Variants in HERC2 observed in about 807,000 individuals in gnomAD.
HERC2 encodes E3 ubiquitin-protein ligase HERC2.
A neutral mutation model predicts 537.7 loss-of-function variants in HERC2; 102 were observed. The ratio of observed to expected loss-of-function variants is 0.19; its 90% CI spans 0.16 to 0.22. The LOEUF (loss-of-function observed/expected upper bound fraction) is 0.22, where lower values mean the gene tolerates loss of function less well. Among genes scored for constraint, HERC2 ranks in the 10% least tolerant of loss-of-function variants. HERC2 has a pLI of 1.00. For missense variants in HERC2, 4,236 were observed against 6,198.2 expected, an observed-to-expected ratio of 0.68 and a Z score of 10.63; for synonymous variants, 2,224 against 2,466.2, an observed-to-expected ratio of 0.90 and a Z score of 2.91.
At chr15:28,196,650 C>T (rs1374730621) in intron 50 of HERC2, 81 bp from the exon 51 acceptor site, 43 of 738,186 alleles carry the variant, frequency 5.8e-5, no homozygotes, top group Non-Finnish European at 9.6e-5. Flanking sequence ...CTAGCCATGT[C>T]ATACTACATT....
At chr15:28,160,839 T>C (rs1327164591) in intron 69 of HERC2, among the ~76,000 whole-genome samples, 1 of 152,234 alleles carries the variant, frequency 6.6e-6, no homozygotes, top group Non-Finnish European at 1.5e-5. Flanking sequence ...CTGGGAGCTG[T>C]AGACTGGAGC....
intron 56 of HERC2, among the ~76,000 whole-genome samples, chr15:28,184,233 A>G (rs1896089075): frequency 6.6e-6 from 1 of 152,108 alleles, no homozygotes; most frequent in Non-Finnish European, 1.5e-5. Flanking sequence ...ATATACACAC[A>G]TATATGTATG....
At chr15:28,168,306 C>T in intron 67 of HERC2, 101 bp downstream of exon 67, 1 of 1,159,770 alleles carries the variant, frequency 8.6e-7, no homozygotes, top group Non-Finnish European at 1.2e-6. Flanking sequence ...AAGCGGGAGG[C>T]ACAGAAACAG....
intron 78 of HERC2, among the ~76,000 whole-genome samples, chr15:28,136,446 A>G (rs1197472047): frequency 6.6e-6 from 1 of 152,258 alleles, no homozygotes; most frequent in Non-Finnish European, 1.5e-5. Flanking sequence ...TCTCTGGTGC[A>G]CAGGGTGCAG....
rs954273904 is a variant in HERC2, at chr15:28,299,617, C to T, written c.73-101G>A. 2.2e-5 allele frequency: 14 copies of T among 625,852 alleles called. No individual in the cohort carries two copies. In the East Asian group the frequency reaches 3.2e-4, roughly 14 times the overall value. 38.8% of individuals were successfully genotyped at this position (625,852 alleles called of 1,614,324 possible). A position where few individuals can be genotyped will look rare whatever the true frequency, so the allele number is the denominator to read the frequency against. On this transcript the variant is annotated intron_variant, in intron 2 of 92. Coordinates refer to ENST00000261609, the MANE Select transcript of HERC2 (RefSeq NM_004667.6). Reference sequence around the variant, plus strand: ...AAAATCTCAATCCCCCTTATGTATTCGATCATTTGGTAATAAAATCAATGA... The same window carrying T: ...AAAATCTCAATCCCCCTTATGTATTTGATCATTTGGTAATAAAATCAATGA...
chr15:28,141,185 C>G (rs911219618), intron 78 of HERC2, among the ~76,000 whole-genome samples: 12 of 151,896 alleles, frequency 7.9e-5, no homozygotes, highest in African/African-American at 2.9e-4. Flanking sequence ...TTGCAGTGAG[C>G]CGAGACCACG....
chr15:28,167,839 G>T lies in HERC2; in HGVS notation c.10414-12C>A. On this transcript the variant is annotated splice_polypyrimidine_tract_variant and intron_variant, in intron 67 of 92. Transcript: ENST00000261609. ...TCAGAGGAAACAATCTAGTCCAAGA[G>T]TGCACAGTAGGGGAAGTTTAAGTGG... 1 of 1,596,992 alleles carries T rather than the reference G, an allele frequency of 6.3e-7. No homozygotes were observed. The highest frequency in any genetic ancestry group is 1.1e-5 in the South Asian group (1 of 88,314).
intron 2 of HERC2, chr15:28,315,817 A>C: frequency 5.3e-6 from 5 of 939,516 alleles, no homozygotes; most frequent in Non-Finnish European, 8.2e-6. Flanking sequence ...AGAAACATGG[A>C]ATGCCAGACG....
rs295746 is a variant in HERC2 at position 28,229,813 on chromosome 15, C to T, written c.4844G>A (p.Gly1615Asp). 2.1e-6 allele frequency: 3 copies of T among 1,410,120 alleles called. No individual in the cohort carries two copies. The highest frequency in any genetic ancestry group is 3.0e-6 in the Non-Finnish European group (3 of 996,258). The allele number at this position is 1,410,120 out of a possible 1,614,324, so 87.4% of individuals were successfully genotyped here. ...KWQPLLSTVTGVHKYKWLKQN... is the reference protein window; with the variant it reads ...KWQPLLSTVTDVHKYKWLKQN... ...CTTCAACCACTTGTATTTGTGAACA[C>T]CTGTAACAGTACTCAACAGCGGCTG... The change falls in exon 32 of 93, where the codon GGT (glycine) becomes GAT (aspartate). Residue 1615 changes from glycine (G) to aspartate (D), a missense_variant. By Grantham distance (94) the Gly-to-Asp change is moderately conservative. This residue lies in a region of HERC2 where 343 missense variants were observed against 417.2 expected (regional missense o/e 0.82). Transcript: ENST00000261609.
At chr15:28,276,716 G>A (rs1316034612) in intron 5 of HERC2, among the ~76,000 whole-genome samples, 4 of 148,900 alleles carry the variant, frequency 2.7e-5, no homozygotes, top group South Asian at 2.1e-4. Context: ...TGGCCTGGGC[G>A]ACAAAGCGAG....
rs146521940 is a variant in HERC2, at chr15:28,146,247, G to A, written c.10998C>T (p.Ser3666=). Residue 3666 remains serine, a synonymous_variant, in exon 71 of 93, where the codon TCC becomes TCT. Transcript: ENST00000261609. ...TVMDGVNRIV[S]VRSGREWSDW... is the part of the protein sequence containing the mutation. ...ACCTCCTGTCCTTACCTGACCGCAC[G>A]GAGACGATCCTGTTGACGCCGTCCA... 5.2e-5 allele frequency: 84 copies of A among 1,613,398 alleles called. No homozygotes were observed. Among genetic ancestry groups the A allele is most frequent in the Non-Finnish European group, 5.7e-5 (67 of 1,179,548 alleles).
At position 28,132,789 on chromosome 15, in the gene HERC2, A is replaced by G. The variant is rs200047478; in HGVS notation, c.12272T>C (p.Ile4091Thr). ...GCCAGCAGCAACATCGACCACTTCA[A>G]TTCCTCTCAGAGACTCGATGACACG... ...RPRVIESLRG[I>T]EVVDVAAGGA... The change falls in exon 80 of 93, where the codon ATT (isoleucine) becomes ACT (threonine). Residue 4091 changes from isoleucine (I) to threonine (T), a missense_variant. Physicochemically the swap from Ile to Thr is moderately conservative, Grantham distance 89. Around this residue, in one of 27 missense-constraint regions of HERC2, gnomAD observed 94 missense variants for 137.4 expected, o/e 0.68. Transcript: ENST00000261609. 2,267 of 1,600,126 alleles carry G rather than the reference A, an allele frequency of 1.4e-3. 45 individuals are homozygous for G. The South Asian group carries it at 0.024, about 17-fold the overall frequency.
chr15:28,279,806 T>C (rs557422727), intron 5 of HERC2, among the ~76,000 whole-genome samples: 36 of 151,896 alleles, frequency 2.4e-4, no homozygotes, highest in African/African-American at 8.7e-4. Context: ...GAGCAAGACA[T>C]TGTCTCTCCA....
At chr15:28,163,673 G>T (rs1893842749) in intron 68 of HERC2, among the ~76,000 whole-genome samples, 1 of 152,022 alleles carries the variant, frequency 6.6e-6, no homozygotes, top group Non-Finnish European at 1.5e-5. Flanking sequence ...AACTAAATTT[G>T]TATTCTCTAA....
intron 35 of HERC2, among the ~76,000 whole-genome samples, chr15:28,222,866 T>C (rs538682884): frequency 1.6e-4 from 25 of 152,326 alleles, no homozygotes; most frequent in Admixed American, 3.9e-4. Flanking sequence ...GGAGTCTCTA[T>C]CCAGCTTCCC....
intron 20 of HERC2, among the ~76,000 whole-genome samples, chr15:28,252,296 A>T (rs2075109042): frequency 6.6e-6 from 1 of 151,942 alleles, no homozygotes; most frequent in South Asian, 2.1e-4. Flanking sequence ...GCACGGGAAC[A>T]TTCTGGGCAA....
intron 35 of HERC2, among the ~76,000 whole-genome samples, chr15:28,226,932 T>C (rs1356334954): frequency 2.6e-5 from 4 of 152,222 alleles, no homozygotes; most frequent in Non-Finnish European, 5.9e-5. Flanking sequence ...GGTACACTTA[T>C]ATAGTGCATT....
intron 5 of HERC2, among the ~76,000 whole-genome samples, chr15:28,276,779 A>G (rs901186335): frequency 2.0e-5 from 3 of 152,108 alleles, no homozygotes; most frequent in Non-Finnish European, 2.9e-5. Context: ...CTACTCAGCC[A>G]TAATAAAATA....
intron 69 of HERC2, among the ~76,000 whole-genome samples, chr15:28,160,204 TG>T (rs1893440340): frequency 6.6e-6 from 1 of 152,216 alleles, no homozygotes; most frequent in East Asian, 1.9e-4. Flanking sequence ...GGAGGCAGTC[TG>T]TCCATTCTCA....
Sources: gnomAD v4.1 joint callset for allele counts (sites outside exome capture counted in the v4.1 genomes callset) on GRCh38, gnomAD v4.1.1 for gene constraint, gnomAD v4.1.1 regional missense constraint, MANE v1.5 for transcripts, NCBI Gene and HGNC (gene_info 2026-07-23, HGNC 2026-07-21) for gene names.